NPIPA5: variants seen among roughly 807,000 people sequenced by gnomAD.
NPIPA5 encodes nuclear pore complex interacting protein family member A5.
A neutral mutation model predicts 21.4 loss-of-function variants in NPIPA5; 6 were observed. The observed-to-expected ratio is 0.28, with a 90% confidence interval of 0.15 to 0.55. The LOEUF is 0.55. NPIPA5 is among the 20% of genes least tolerant of loss of function. The pLI is 0.93. For missense variants in NPIPA5, 99 were observed against 318.2 expected, an observed-to-expected ratio of 0.31 and a Z score of 5.24; for synonymous variants, 33 against 115.3, an observed-to-expected ratio of 0.29 and a Z score of 4.57.
intron 1 of NPIPA5, among the ~76,000 whole-genome samples, chr16:15,375,706 C>G (rs1293857681): frequency 7.2e-6 from 1 of 139,850 alleles, no homozygotes; most frequent in Non-Finnish European, 1.5e-5. Context: ...CGCACCACTG[C>G]ACTTCAGCCT....
chr16:15,375,414 C>T (rs1477603220), intron 1 of NPIPA5, among the ~76,000 whole-genome samples: 1 of 144,902 alleles, frequency 6.9e-6, no homozygotes, highest in Non-Finnish European at 1.5e-5. Flanking sequence ...GAGATTATTT[C>T]ATTCACAAAT....
chr16:15,377,838 G>A (rs572607079), intron 1 of NPIPA5, among the ~76,000 whole-genome samples: 5 of 150,868 alleles, frequency 3.3e-5, no homozygotes, highest in South Asian at 2.1e-4. Flanking sequence ...GACAGGCGGG[G>A]CAAGGGAGCG....
intron 2 of NPIPA5, among the ~76,000 whole-genome samples, chr16:15,372,162 TA>T (rs2050172657): frequency 1.3e-5 from 2 of 148,594 alleles, no homozygotes; most frequent in African/African-American, 4.9e-5. Context: ...TGAACTTTCC[TA>T]AATGGAATTG....
intron 1 of NPIPA5, among the ~76,000 whole-genome samples, chr16:15,377,110 G>C (rs1349081270): frequency 1.3e-5 from 2 of 151,894 alleles, no homozygotes; most frequent in East Asian, 1.9e-4. Context: ...TCCAGCTCCT[G>C]GGCCCAAGCG....
At chr16:15,369,184 G>A (rs1257423452) in intron 4 of NPIPA5, among the ~76,000 whole-genome samples, 4 of 148,154 alleles carry the variant, frequency 2.7e-5, no homozygotes, top group African/African-American at 9.8e-5. Context: ...GCCTGGGTGT[G>A]GTGGCTCATG....
chr16:15,380,277 G>A (rs1327173445), upstream of NPIPA5, among the ~76,000 whole-genome samples: 1 of 151,220 alleles, frequency 6.6e-6, no homozygotes, highest in Admixed American at 6.6e-5. Flanking sequence ...ATGTTAAAAA[G>A]TAGTTTAGAA....
At chr16:15,370,283 C>A (rs1024109066) in intron 2 of NPIPA5, among the ~76,000 whole-genome samples, 164 bp from the exon 3 acceptor site, 1 of 144,520 alleles carries the variant, frequency 6.9e-6, no homozygotes, top group Non-Finnish European at 1.5e-5. Flanking sequence ...AAAAATTAGC[C>A]GGGCATGGCA....
At chr16:15,374,416 CT>C (rs2050236449) in intron 1 of NPIPA5, among the ~76,000 whole-genome samples, 1 of 151,748 alleles carries the variant, frequency 6.6e-6, no homozygotes, top group Non-Finnish European at 1.5e-5. Flanking sequence ...CCAGTCTGGC[CT>C]TGAACTCCTG....
At chr16:15,377,721 G>A (rs1197032506) in intron 1 of NPIPA5, among the ~76,000 whole-genome samples, 1 of 134,850 alleles carries the variant, frequency 7.4e-6, no homozygotes, top group Admixed American at 8.0e-5. Context: ...TGGGGAGGAG[G>A]AGGAGGAGAA....
intron 1 of NPIPA5, among the ~76,000 whole-genome samples, chr16:15,374,268 G>A (rs908026332): frequency 4.1e-4 from 62 of 150,138 alleles, no homozygotes; most frequent in African/African-American, 1.3e-3. Context: ...GTGCAATCTC[G>A]GCTCACTGCA....
chr16:15,372,521 A>G (rs974679709), intron 2 of NPIPA5, among the ~76,000 whole-genome samples: 1 of 146,376 alleles, frequency 6.8e-6, no homozygotes, highest in Non-Finnish European at 1.5e-5. Flanking sequence ...GCTTCCTCCA[A>G]TTTATACCAA....
intron 2 of NPIPA5, among the ~76,000 whole-genome samples, chr16:15,370,865 G>T (rs540579540): frequency 6.8e-6 from 1 of 146,884 alleles, no homozygotes; most frequent in African/African-American, 2.5e-5. Flanking sequence ...TGGGCAACAT[G>T]GTGAAACCCC....
chr16:15,379,985 C>CTGTG (rs370938234), upstream of NPIPA5, among the ~76,000 whole-genome samples: 658 of 143,586 alleles, frequency 4.6e-3, 6 homozygotes, highest in African/African-American at 0.013. Context: ...GTGTGTGTGT[C>CTGTG]TGTGTGTGTG....
upstream of NPIPA5, among the ~76,000 whole-genome samples, chr16:15,379,064 G>T (rs1047442610): frequency 2.6e-5 from 4 of 151,814 alleles, no homozygotes; most frequent in African/African-American, 4.8e-5. Flanking sequence ...CCTGTCCTCA[G>T]CTAAACTTCC....
chr16:15,381,039 C>T, upstream of NPIPA5: 1 of 1,515,526 alleles, frequency 6.6e-7, no homozygotes. Flanking sequence ...CAATAGAGAG[C>T]TTCACCATTT....
At chr16:15,377,692 A>C in intron 1 of NPIPA5, among the ~76,000 whole-genome samples, 1 of 88,816 alleles carries the variant, frequency 1.1e-5, no homozygotes, top group African/African-American at 4.0e-5. Flanking sequence ...GGGAAGGGAA[A>C]GGAGGAGAAG....
In NPIPA5 at chr16:15,371,106, T is replaced by C. The variant is rs373373680; in HGVS notation, c.193-987A>G. ...CACAACTGAACTGTACACTTCAACA[T>C]GGTTAGATGGTAATTATCATCTTGT... On this transcript the variant is annotated intron_variant, in intron 2 of 7. Transcript: ENST00000360151. Among the ~76,000 whole-genome samples the C allele has an allele frequency of 2.1e-3, 291 of 141,564 alleles. 7 individuals are homozygous for C. The highest frequency in any genetic ancestry group is 5.2e-3 in the African/African-American group (204 of 39,286). 92.9% of individuals were successfully genotyped at this position (141,564 alleles called of 152,430 possible).
chr16:15,363,702 G>A lies in NPIPA5; in HGVS notation c.1010C>T (p.Ser337Leu), dbSNP rs935189053. The A allele has an allele frequency of 1.4e-6, 2 of 1,461,442 alleles. No individual in the cohort carries two copies. The highest frequency in any genetic ancestry group is 2.8e-5 in the African/African-American group (2 of 70,992). 90.5% of individuals were successfully genotyped at this position (1,461,442 alleles called of 1,614,324 possible). Residue 337 changes from serine (S) to leucine (L), a missense_variant, in exon 8 of 8, where the codon TCA becomes TTA. By Grantham distance (145) the Ser-to-Leu change is moderately radical. Around this residue, in one of 5 missense-constraint regions of NPIPA5, gnomAD observed 75 missense variants for 138.5 expected, o/e 0.54. Transcript: ENST00000360151. ...CATCCGCTGAGGGTGGAAGGGGAGT[G>A]AGCAGACACACTCGGGAGGTGTCTT... is the stretch of plus-strand genomic sequence containing the variant. ...NLKTPPECVC[S>L]LPFHPQRMII... is the part of the protein sequence containing the mutation.
At chr16:15,370,800 C>T (rs2050135315) in intron 2 of NPIPA5, among the ~76,000 whole-genome samples, 1 of 148,358 alleles carries the variant, frequency 6.7e-6, no homozygotes, top group Non-Finnish European at 1.5e-5. Flanking sequence ...CCTGTAATCC[C>T]AGCACTTTGG....
Sources: gnomAD v4.1 joint callset for allele counts (sites outside exome capture counted in the v4.1 genomes callset) on GRCh38, gnomAD v4.1.1 for gene constraint, gnomAD v4.1.1 regional missense constraint, MANE v1.5 for transcripts, NCBI Gene and HGNC (gene_info 2026-07-23, HGNC 2026-07-21) for gene names.